Variants in POLK observed in about 807,000 individuals in gnomAD.
The protein encoded by POLK is polymerase (DNA directed) kappa.
POLK carries 76 observed loss-of-function variants against 94.0 expected under a neutral mutation model. The ratio of observed to expected loss-of-function variants is 0.81; its 90% CI spans 0.67 to 0.98. The LOEUF (loss-of-function observed/expected upper bound fraction) is 0.98. POLK is among the 50% of genes least tolerant of loss of function. The pLI, the probability that POLK is intolerant of heterozygous loss-of-function variation, is 0.00. For missense variants in POLK, 954 were observed against 1,010.1 expected, an observed-to-expected ratio of 0.94 and a Z score of 0.75; for synonymous variants, 349 against 325.4, an observed-to-expected ratio of 1.07 and a Z score of -0.78.
intron 5 of POLK, among the ~76,000 whole-genome samples, chr5:75,574,273 T>C (rs571254829): frequency 6.6e-6 from 1 of 152,324 alleles, no homozygotes; most frequent in East Asian, 1.9e-4. Context: ...TACTTATTAA[T>C]GTTGTTAAAC....
At chr5:75,566,698 C>T (rs5744626) in intron 3 of POLK, among the ~76,000 whole-genome samples, 2 of 152,162 alleles carry the variant, frequency 1.3e-5, no homozygotes, top group Non-Finnish European at 2.9e-5. Flanking sequence ...GTGGCCTGCA[C>T]CCACTTTCTA....
At chr5:75,548,044 C>G (rs1770141813) in intron 2 of POLK, among the ~76,000 whole-genome samples, 1 of 152,110 alleles carries the variant, frequency 6.6e-6, no homozygotes, top group African/African-American at 2.4e-5. Flanking sequence ...CCACCTCAGA[C>G]TTTGAAGAGC....
At position 75,521,677 on chromosome 5, in the gene POLK, CATT is replaced by C. The variant is rs1339495847; in HGVS notation, c.-14+9767_-14+9769del. On this transcript the variant is annotated intron_variant, in intron 1 of 14. Coordinates refer to ENST00000241436, the Ensembl canonical transcript of POLK. ...GTACATCTATGTCTTTGCATTGAAA[CATT>C]ATTTATTTATTTTAGTCTTCTCTGA... is the stretch of plus-strand genomic sequence containing the variant. Among the ~76,000 whole-genome samples the C allele has an allele frequency of 2.0e-5, 3 of 152,082 alleles. No individual in the cohort carries two copies. In the East Asian group the frequency reaches 5.8e-4, roughly 29 times the overall value.
chr5:75,538,291 G>A (rs1302075882), intron 1 of POLK, among the ~76,000 whole-genome samples: 1 of 152,090 alleles, frequency 6.6e-6, no homozygotes, highest in Non-Finnish European at 1.5e-5. Flanking sequence ...AAAATAAACA[G>A]CATATTTGGA....
At chr5:75,585,125 T>A in intron 9 of POLK, among the ~76,000 whole-genome samples, 199 bp downstream of exon 9, 1 of 152,190 alleles carries the variant, frequency 6.6e-6, no homozygotes, top group East Asian at 1.9e-4. Context: ...ACTCCTAGGT[T>A]GTGGTGTCAG....
chr5:75,537,866 A>T (rs549166453), intron 1 of POLK, among the ~76,000 whole-genome samples: 4 of 150,644 alleles, frequency 2.7e-5, no homozygotes, highest in South Asian at 2.1e-4. Context: ...TTATTTATTT[A>T]TTTTTTTTGA....
At chr5:75,601,098 C>A (rs992898351) in exon 15 of POLK, 10 of 151,902 alleles carry the variant, frequency 6.6e-5, no homozygotes, top group African/African-American at 2.4e-4. Flanking sequence ...TTTATATATT[C>A]TTGTTCATAT....
chr5:75,576,858 C>T, exon 6 of POLK: 1 of 1,560,078 alleles, frequency 6.4e-7, no homozygotes, highest in Non-Finnish European at 8.7e-7. Context: ...TATAACAAAG[C>T]ACTTAGAAGA....
At chr5:75,606,885 G>C in the POLK span, among the ~76,000 whole-genome samples, 4 of 152,202 alleles carry the variant, frequency 2.6e-5, no homozygotes, top group East Asian at 7.8e-4. Context: ...ATGTAGGCTT[G>C]TAATCTGAAT....
chr5:75,567,120 AAAG>A (rs1288737293), intron 3 of POLK, among the ~76,000 whole-genome samples: 4 of 152,202 alleles, frequency 2.6e-5, no homozygotes, highest in Admixed American at 1.3e-4. Flanking sequence ...AAGCACAAAA[AAAG>A]AGAATAGCTT....
chr5:75,551,890 A>G (rs1228758478), intron 2 of POLK, among the ~76,000 whole-genome samples: 2 of 152,338 alleles, frequency 1.3e-5, no homozygotes, highest in African/African-American at 4.8e-5. Context: ...AAATGACAAC[A>G]TATGTCCACA....
chr5:75,547,208 T>G (rs1181673196), intron 2 of POLK, 51 bp downstream of exon 2: 1 of 982,110 alleles, frequency 1.0e-6, no homozygotes, highest in Non-Finnish European at 1.4e-6. Context: ...CTTTTAACTT[T>G]CTGTTTCAAA....
rs1561371144 is a variant in POLK, at chr5:75,559,505, G to GTTTTTTTTTTTT, written c.255+6921_255+6922insTTTTTTTTTTTT. ...TTGGCAATTTATTGATTTGGGGTTT[G>GTTTTTTTTTTTT]TTTTTTTGTTTTGTTTTGTTTTTTT... On this transcript the variant is annotated intron_variant, in intron 3 of 14. Transcript: ENST00000241436. Among the ~76,000 whole-genome samples the GTTTTTTTTTTTT allele has an allele frequency of 5.3e-4, 37 of 70,106 alleles. 4 individuals carry two copies. Among genetic ancestry groups the GTTTTTTTTTTTT allele is most frequent in the Non-Finnish European group, 7.9e-4 (24 of 30,226 alleles). 46.0% of individuals were successfully genotyped at this position (70,106 alleles called of 152,430 possible).
chr5:75,578,547 A>G (rs1772031995), intron 6 of POLK, among the ~76,000 whole-genome samples: 1 of 152,218 alleles, frequency 6.6e-6, no homozygotes, highest in Non-Finnish European at 1.5e-5. Flanking sequence ...ATTTACTTGT[A>G]TATTGCCCTC....
intron 3 of POLK, among the ~76,000 whole-genome samples, chr5:75,553,974 G>A (rs187431383): frequency 2.0e-5 from 3 of 152,148 alleles, no homozygotes; most frequent in Admixed American, 2.0e-4. Flanking sequence ...TCATCCCCTG[G>A]TGTTATCCTT....
chr5:75,559,451 A>G (rs541261767), intron 3 of POLK, among the ~76,000 whole-genome samples: 3 of 150,906 alleles, frequency 2.0e-5, no homozygotes, highest in South Asian at 2.1e-4. Context: ...CATGACAGCT[A>G]TACAGCAAAT....
chr5:75,587,506 C>G (rs1293830433), intron 10 of POLK, among the ~76,000 whole-genome samples: 1 of 152,140 alleles, frequency 6.6e-6, no homozygotes, highest in Non-Finnish European at 1.5e-5. Context: ...GGTTTACAAT[C>G]CTGTTTGAAA....
intron 3 of POLK, among the ~76,000 whole-genome samples, chr5:75,556,088 A>C (rs1205156270): frequency 6.6e-6 from 1 of 152,214 alleles, no homozygotes; most frequent in East Asian, 1.9e-4. Flanking sequence ...GAAACTGCCA[A>C]ACTGTCTTCC....
At chr5:75,534,834 C>A (rs896851465) in intron 1 of POLK, 1 of 152,132 alleles carries the variant, frequency 6.6e-6, no homozygotes, top group African/African-American at 2.4e-5. Flanking sequence ...GTAGATTTTT[C>A]TTCATCCCTT....
Sources: allele counts gnomAD v4.1 joint callset (sites outside exome capture counted in the v4.1 genomes callset), GRCh38; gene constraint gnomAD v4.1.1; transcripts MANE v1.5; gene names NCBI Gene and HGNC (gene_info 2026-07-23, HGNC 2026-07-21).